PTPRG: variants seen among roughly 807,000 people sequenced by gnomAD.
The protein encoded by PTPRG is protein tyrosine phosphatase receptor type G, also known as receptor-type tyrosine-protein phosphatase gamma.
Under a neutral mutation model 165.3 loss-of-function variants are expected in PTPRG, and 102 were observed. The ratio of observed to expected loss-of-function variants is 0.62; its 90% CI spans 0.53 to 0.73. The LOEUF (loss-of-function observed/expected upper bound fraction) is 0.73. PTPRG is among the 30% of genes least tolerant of loss of function. The pLI, the probability that PTPRG is intolerant of heterozygous loss-of-function variation, is 0.00. For missense variants in PTPRG, 1,866 were observed against 1,861.4 expected, an observed-to-expected ratio of 1.00 and a Z score of -0.05; for synonymous variants, 675 against 669.5, an observed-to-expected ratio of 1.01 and a Z score of -0.13.
At chr3:62,071,404 C>A (rs1451544978) in intron 4 of PTPRG, among the ~76,000 whole-genome samples, 5 of 152,152 alleles carry the variant, frequency 3.3e-5, no homozygotes, top group African/African-American at 1.2e-4. Flanking sequence ...AGGCACACAA[C>A]TATAATAGTA....
chr3:62,019,887 A>G (rs1041450046), intron 4 of PTPRG, among the ~76,000 whole-genome samples: 5 of 152,196 alleles, frequency 3.3e-5, no homozygotes, highest in African/African-American at 1.2e-4. Flanking sequence ...GTGCCATTTA[A>G]TCATCACTTA....
chr3:62,106,604 G>T (rs536560406), intron 5 of PTPRG, among the ~76,000 whole-genome samples: 1 of 150,678 alleles, frequency 6.6e-6, no homozygotes, highest in African/African-American at 2.4e-5. Context: ...CCAGGTTCTA[G>T]CAGTCCTCCC....
intron 7 of PTPRG, among the ~76,000 whole-genome samples, chr3:62,158,651 G>C (rs1344546389): frequency 6.6e-6 from 1 of 152,174 alleles, no homozygotes; most frequent in Non-Finnish European, 1.5e-5. Context: ...GTGGGTAAAT[G>C]GGGCAGGTTC....
chr3:61,630,976 A>T (rs1160580845), intron 1 of PTPRG, among the ~76,000 whole-genome samples: 1 of 152,044 alleles, frequency 6.6e-6, no homozygotes, highest in Non-Finnish European at 1.5e-5. Flanking sequence ...AAATCGCTTG[A>T]ACCCGGGAGG....
At chr3:62,021,561 G>A (rs1575899017) in intron 4 of PTPRG, among the ~76,000 whole-genome samples, 1 of 152,206 alleles carries the variant, frequency 6.6e-6, no homozygotes, top group Admixed American at 6.5e-5. Context: ...TTATGGGCTA[G>A]AATTAGTGAT....
At chr3:61,827,521 C>T (rs573242838) in intron 2 of PTPRG, among the ~76,000 whole-genome samples, 7 of 152,158 alleles carry the variant, frequency 4.6e-5, no homozygotes, top group Admixed American at 6.5e-5. Flanking sequence ...ATGTCCTTCT[C>T]GTGACCTCAT....
chr3:61,837,089 A>G (rs1184717459), intron 2 of PTPRG, among the ~76,000 whole-genome samples: 1 of 152,006 alleles, frequency 6.6e-6, no homozygotes, highest in Non-Finnish European at 1.5e-5. Context: ...CAATTTTTGT[A>G]TTTTTGTAAA....
Position 62,203,490 on chromosome 3 carries a change from T to A in PTPRG, c.1695T>A (p.Asp565Glu). Residue 565 changes from aspartate to glutamate, a missense_variant, in exon 12 of 30, where the codon GAT (aspartate) becomes GAA (glutamate). By Grantham distance (45) the Asp-to-Glu change is conservative. Coordinates refer to ENST00000474889, the MANE Select transcript of PTPRG (RefSeq NM_002841.4). This position sits in a 1 kb window ranked among gnomAD's most constrained non-coding sequence, Gnocchi z 6.4. ...TTEALASPGP[D>E]GDSSPTKDGE... is the part of the protein sequence containing the mutation. The stretch of plus-strand genomic sequence containing the variant: ...AGGCCTTGGCTTCTCCAGGGCCCGA[T>A]GGTGATTCGTCACCAACCAAGGACG... 3 of 1,568,196 alleles carry A rather than the reference T, an allele frequency of 1.9e-6. No individual in the cohort carries two copies. Among genetic ancestry groups the A allele is most frequent in the Non-Finnish European group, 2.6e-6 (3 of 1,155,790 alleles).
At chr3:62,173,419 C>CA (rs983603913) in intron 8 of PTPRG, among the ~76,000 whole-genome samples, 1 of 152,016 alleles carries the variant, frequency 6.6e-6, no homozygotes, top group African/African-American at 2.4e-5. Context: ...GTTTTATTTC[C>CA]AAAAAAAGAT....
rs777665676 is a variant in PTPRG at position 62,132,618 on chromosome 3, A to T, written c.632A>T (p.Asn211Ile). ...AIFFQVSPRDNSALDPIIHGL... is the reference protein window; with the variant it reads ...AIFFQVSPRDISALDPIIHGL... ...TACATTTAGGTCAGTCCGAGGGACA[A>T]TTCTGCACTGGATCCTATTATCCAC... Residue 211 changes from asparagine (N) to isoleucine (I), a missense_variant, in exon 6 of 30, where the codon AAT (asparagine) becomes ATT (isoleucine). Asn to Ile is a moderately radical substitution (Grantham distance 149). Around this residue, in one of 3 missense-constraint regions of PTPRG, gnomAD observed 408 missense variants for 376.2 expected, o/e 1.08. Transcript: ENST00000474889. 6.2e-7 allele frequency: 1 copy of T among 1,611,556 alleles called. No individual in the cohort carries two copies. The highest frequency in any genetic ancestry group is 1.3e-5 in the African/African-American group (1 of 74,858).
chr3:61,816,171 A>C (rs2035756522), intron 2 of PTPRG, among the ~76,000 whole-genome samples: 1 of 152,200 alleles, frequency 6.6e-6, no homozygotes, highest in Non-Finnish European at 1.5e-5. Flanking sequence ...AGGCAACTCC[A>C]TTCAAAGTAG....
At chr3:62,187,025 A>G (rs1699675842) in intron 8 of PTPRG, among the ~76,000 whole-genome samples, 1 of 152,216 alleles carries the variant, frequency 6.6e-6, no homozygotes, top group South Asian at 2.1e-4. Flanking sequence ...TCCATATACA[A>G]CCAACTTTCT....
At chr3:61,872,923 C>T (rs1425744772) in intron 2 of PTPRG, among the ~76,000 whole-genome samples, 4 of 152,136 alleles carry the variant, frequency 2.6e-5, no homozygotes, top group Non-Finnish European at 4.4e-5. Flanking sequence ...CTTGAAATTA[C>T]CTTTTACCTT....
At chr3:61,709,012 A>G (rs1350100960) in intron 1 of PTPRG, among the ~76,000 whole-genome samples, 1 of 152,244 alleles carries the variant, frequency 6.6e-6, no homozygotes, top group East Asian at 1.9e-4. Flanking sequence ...AGTAAAAACA[A>G]TGCAGCTAGC....
intron 1 of PTPRG, among the ~76,000 whole-genome samples, chr3:61,613,027 C>T (rs1442064568): frequency 6.6e-6 from 1 of 152,096 alleles, no homozygotes; most frequent in Non-Finnish European, 1.5e-5. Context: ...TCCATAAAGC[C>T]ACCAATAGCG....
rs534974352 is a variant in PTPRG at position 62,142,603 on chromosome 3, G to A, written c.682+9935G>A. Among the ~76,000 whole-genome samples the A allele has an allele frequency of 3.9e-5, 6 of 152,278 alleles. No homozygotes were observed. The South Asian group carries it at 1.0e-3, about 26-fold the overall frequency. ...TCCAAGTGGCCTCACAACAACCAAAGGGGAGTGACAGCACTTTTTAAAAAC... is the reference window on the plus strand; with the variant it reads ...TCCAAGTGGCCTCACAACAACCAAAAGGGAGTGACAGCACTTTTTAAAAAC... On this transcript the variant is annotated intron_variant, in intron 6 of 29. Transcript: ENST00000474889.
At chr3:62,081,334 C>T (rs1037022738) in intron 5 of PTPRG, among the ~76,000 whole-genome samples, 6 of 152,052 alleles carry the variant, frequency 3.9e-5, no homozygotes, top group Non-Finnish European at 7.3e-5. Flanking sequence ...TATTAAGCTG[C>T]TTCCTTTGTC....
At chr3:61,785,173 T>C (rs191749327) in intron 2 of PTPRG, among the ~76,000 whole-genome samples, 101 of 152,364 alleles carry the variant, frequency 6.6e-4, no homozygotes, top group Non-Finnish European at 1.2e-3. Context: ...GTATAGGTTC[T>C]GCACATTAAC....
intron 2 of PTPRG, among the ~76,000 whole-genome samples, chr3:61,937,064 C>T (rs1291744588): frequency 1.3e-5 from 2 of 152,130 alleles, no homozygotes; most frequent in African/African-American, 4.8e-5. Context: ...AAATGGGAAT[C>T]GTCTTCTCTA....
Sources: gnomAD v4.1 joint callset for allele counts (sites outside exome capture counted in the v4.1 genomes callset) on GRCh38, gnomAD v4.1.1 for gene constraint, gnomAD v4.1.1 regional missense constraint, Gnocchi (gnomAD v3.1) non-coding constraint, MANE v1.5 for transcripts, NCBI Gene and HGNC (gene_info 2026-07-23, HGNC 2026-07-21) for gene names.